Variants in TET3 observed in about 807,000 individuals in gnomAD.
The protein encoded by TET3 is tet methylcytosine dioxygenase 3.
In TET3, 19 loss-of-function variants were observed where a neutral mutation model predicts 141.4. That is an observed-to-expected ratio of 0.13 (90% CI 0.09 to 0.20). The LOEUF is 0.20. TET3 is among the 10% of genes least tolerant of loss of function. The pLI is 1.00. For synonymous variants in TET3, 1,043 were observed against 980.9 expected (o/e 1.06, Z -1.18); for missense variants, 1,874 against 2,356.9 (o/e 0.80, Z 4.24).
rs1398861390 is a variant in TET3, at chr2:74,047,402, C to A, written c.1485C>A (p.Pro495=). 1 of 1,613,476 alleles carries A rather than the reference C, an allele frequency of 6.2e-7. No homozygotes were observed. The highest frequency in any genetic ancestry group is 1.7e-5 in the Admixed American group (1 of 59,964). ...PTKPKVKVEA[P]SSSPAPAPSP... ...AGCCCAAGGTCAAGGTGGAGGCACCCTCTTCCTCCCCGGCCCCGGCCCCAT... is the reference window on the plus strand; with the variant it reads ...AGCCCAAGGTCAAGGTGGAGGCACCATCTTCCTCCCCGGCCCCGGCCCCAT... Residue 495 remains proline (P), a synonymous_variant, in exon 4 of 12, where the codon CCC becomes CCA. Transcript: ENST00000409262.
At chr2:74,123,765 G>A in the TET3 span, among the ~76,000 whole-genome samples, 1 of 151,464 alleles carries the variant, frequency 6.6e-6, no homozygotes, top group Admixed American at 6.6e-5. Flanking sequence ...GCCCAGTCTG[G>A]GAAGTGAGGA....
chr2:74,108,638 G>T (rs749585394), downstream of TET3, among the ~76,000 whole-genome samples: 1 of 152,286 alleles, frequency 6.6e-6, no homozygotes, highest in African/African-American at 2.4e-5. Flanking sequence ...GAGGTTTCCC[G>T]CAAGATCCCA....
At chr2:74,016,696 T>C (rs1685744770) in intron 3 of TET3, among the ~76,000 whole-genome samples, 2 of 151,376 alleles carry the variant, frequency 1.3e-5, no homozygotes, top group Admixed American at 6.6e-5. Context: ...CACTCCTGCC[T>C]GGAGAACAGA....
At chr2:74,091,376 T>C (rs975510810) in intron 8 of TET3, among the ~76,000 whole-genome samples, 2 of 152,228 alleles carry the variant, frequency 1.3e-5, no homozygotes, top group African/African-American at 2.4e-5. Flanking sequence ...AAGCCCCTCA[T>C]AGGTTTCTCA....
chr2:74,093,696 T>C lies in TET3; in HGVS notation c.3267+30T>C. On this transcript the variant is annotated intron_variant, in intron 10 of 11. Coordinates refer to ENST00000409262, the MANE Select transcript of TET3 (RefSeq NM_001287491.2). The surrounding 1 kb of genome is among the most constrained non-coding windows in gnomAD (Gnocchi z 4.2). ...GCCTGTGCCCTGTCATAGCCCCACC[T>C]GTGGGGCAACTGTGGGAGGGAGTCC... is the stretch of plus-strand genomic sequence containing the variant. The C allele has an allele frequency of 6.5e-7, 1 of 1,540,674 alleles. No homozygotes were observed. Among genetic ancestry groups the C allele is most frequent in the African/African-American group, 1.4e-5 (1 of 72,686 alleles).
chr2:74,011,480 G>C (rs1390026462), intron 3 of TET3, among the ~76,000 whole-genome samples: 2 of 152,156 alleles, frequency 1.3e-5, no homozygotes, highest in Non-Finnish European at 2.9e-5. Flanking sequence ...GCCTCCACTG[G>C]AATACCTTTA....
At chr2:74,097,112 G>GAA (rs750552013) in intron 10 of TET3, among the ~76,000 whole-genome samples, 2 of 47,890 alleles carry the variant, frequency 4.2e-5, no homozygotes. Flanking sequence ...AGAAGAAAAA[G>GAA]AAAAAAAAAA....
rs1013386432 is a variant in TET3 at position 74,055,137 on chromosome 2, C to T, written c.2494+6726C>T. ...CTGATCTTGAACTCCTGGGCTCAAGCGATCCACCCACCTCGGCCTCCCAGA... is the reference window on the plus strand; with the variant it reads ...CTGATCTTGAACTCCTGGGCTCAAGTGATCCACCCACCTCGGCCTCCCAGA... On this transcript the variant is annotated intron_variant, in intron 4 of 11. Transcript: ENST00000409262. Among the ~76,000 whole-genome samples, 4 of 152,160 alleles carry T rather than the reference C, an allele frequency of 2.6e-5. No homozygotes were observed. The East Asian group carries it at 7.7e-4, about 29-fold the overall frequency.
Position 74,100,556 on chromosome 2 carries a change from C to T in TET3, c.3768C>T (p.Ser1256=), listed in dbSNP as rs752918208. The T allele has an allele frequency of 1.7e-5, 28 of 1,613,048 alleles. No individual in the cohort carries two copies. Among genetic ancestry groups the T allele is most frequent in the South Asian group, 3.3e-5 (3 of 90,830 alleles). ...CCTCCGACCCTTACAGCATGAACAG[C>T]GTGTACTCCTACCACTCCTACTATG... ...CRPSDPYSMN[S]VYSYHSYYAQ... The change falls in exon 12 of 12, where the codon AGC becomes AGT. Residue 1256 remains serine, a synonymous_variant. Coordinates refer to ENST00000409262, the MANE Select transcript of TET3 (RefSeq NM_001287491.2).
At chr2:74,116,442 G>A in the TET3 span, among the ~76,000 whole-genome samples, 14 of 152,080 alleles carry the variant, frequency 9.2e-5, no homozygotes, top group Non-Finnish European at 1.2e-4. Flanking sequence ...CAGCACTTTG[G>A]GAGGCCAAGG....
At chr2:74,014,301 C>G (rs1233232852) in intron 3 of TET3, among the ~76,000 whole-genome samples, 1 of 151,932 alleles carries the variant, frequency 6.6e-6, no homozygotes, top group African/African-American at 2.4e-5. Context: ...TGGCCTAATT[C>G]TCTTGGTTTT....
chr2:74,132,356 C>A, the TET3 span, among the ~76,000 whole-genome samples: 886 of 152,274 alleles, frequency 5.8e-3, 9 homozygotes, highest in African/African-American at 0.02. Context: ...ATGAGCCAAA[C>A]AGAGGCCGTC....
chr2:73,995,203 G>T (rs1021176296), intron 2 of TET3, among the ~76,000 whole-genome samples: 1 of 152,144 alleles, frequency 6.6e-6, no homozygotes, highest in Non-Finnish European at 1.5e-5. Context: ...CAGGCGATCC[G>T]CCTACCTTGG....
Position 74,048,275 on chromosome 2 carries a change from G to T in TET3, c.2358G>T (p.Lys786Asn), listed in dbSNP as rs1462646957. The T allele has an allele frequency of 3.7e-6, 6 of 1,613,880 alleles. No homozygotes were observed. The highest frequency in any genetic ancestry group is 5.1e-6 in the Non-Finnish European group (6 of 1,179,836). The change falls in exon 4 of 12, where the codon AAG becomes AAT. Residue 786 changes from lysine (K) to asparagine (N), a missense_variant. Lys to Asn is a moderately conservative substitution (Grantham distance 94). Coordinates refer to ENST00000409262, the MANE Select transcript of TET3 (RefSeq NM_001287491.2). ...GAGGACAGGAGGCCACACCCACCAAGGCTGAGAACCCACTCACACCCACCC... is the reference window on the plus strand; with the variant it reads ...GAGGACAGGAGGCCACACCCACCAATGCTGAGAACCCACTCACACCCACCC... ...EEGGQEATPT[K>N]AENPLTPTLS... is the part of the protein sequence containing the mutation.
At chr2:73,989,617 A>AT (rs1684224078) in intron 2 of TET3, among the ~76,000 whole-genome samples, 1 of 151,444 alleles carries the variant, frequency 6.6e-6, no homozygotes, top group Non-Finnish European at 1.5e-5. Flanking sequence ...TCCCCCAGGG[A>AT]TGGGCCTTCC....
At chr2:73,985,768 T>A (rs1683991515) in intron 1 of TET3, among the ~76,000 whole-genome samples, 1 of 151,922 alleles carries the variant, frequency 6.6e-6, no homozygotes, top group Non-Finnish European at 1.5e-5. Context: ...CCCCCTTGAA[T>A]CCAGGGCCCC....
the TET3 span, among the ~76,000 whole-genome samples, chr2:74,115,231 TATAC>T: frequency 6.6e-6 from 1 of 152,214 alleles, no homozygotes; most frequent in Middle Eastern, 3.4e-3. Context: ...ATATCCAGAA[TATAC>T]AAGGAACTCA....
chr2:74,045,101 A>G (rs368021171), intron 3 of TET3, among the ~76,000 whole-genome samples: 26 of 152,280 alleles, frequency 1.7e-4, no homozygotes, highest in African/African-American at 6.0e-4. Context: ...TTTCCTTGTG[A>G]TTAGATTCAG....
intron 3 of TET3, among the ~76,000 whole-genome samples, chr2:74,036,174 A>G (rs1367613413): frequency 2.6e-5 from 4 of 152,178 alleles, no homozygotes; most frequent in Non-Finnish European, 4.4e-5. Context: ...CTCATCCCCA[A>G]TTTACAGGTG....
Sources: gnomAD v4.1 joint callset for allele counts (sites outside exome capture counted in the v4.1 genomes callset) on GRCh38, gnomAD v4.1.1 for gene constraint, Gnocchi (gnomAD v3.1) non-coding constraint, MANE v1.5 for transcripts, NCBI Gene and HGNC (gene_info 2026-07-23, HGNC 2026-07-21) for gene names.